Variants in TFB1M observed in about 807,000 individuals in gnomAD.
The protein encoded by TFB1M is transcription factor B1, mitochondrial.
TFB1M carries 27 observed loss-of-function variants against 31.1 expected under a neutral mutation model. That is an observed-to-expected ratio of 0.87 (90% CI 0.64 to 1.20). The LOEUF is 1.20. Among genes scored for constraint, TFB1M ranks in the 50% most tolerant of loss-of-function variants. TFB1M has a pLI of 0.00. For synonymous variants in TFB1M, 166 were observed against 151.8 expected, an observed-to-expected ratio of 1.09 and a Z score of -0.69; for missense variants, 394 against 418.7, an observed-to-expected ratio of 0.94 and a Z score of 0.51.
At chr6:155,283,349 C>T (rs942867919) in intron 5 of TFB1M, among the ~76,000 whole-genome samples, 2 of 152,026 alleles carry the variant, frequency 1.3e-5, no homozygotes, top group Admixed American at 6.6e-5. Flanking sequence ...CAAATAAATC[C>T]CCTGTATGTA....
downstream of TFB1M, chr6:155,251,901 G>A (rs372966542): frequency 1.1e-4 from 170 of 1,497,056 alleles, no homozygotes; most frequent in Middle Eastern, 4.1e-4. Context: ...CCTTGGAAGA[G>A]TTTGCATAAA....
intron 4 of TFB1M, among the ~76,000 whole-genome samples, chr6:155,291,922 G>A (rs1288269873): frequency 1.3e-5 from 2 of 152,230 alleles, no homozygotes; most frequent in Non-Finnish European, 2.9e-5. Context: ...TTAAGCTTAT[G>A]TAGTAGTAGA....
downstream of TFB1M, chr6:155,254,655 G>A: frequency 6.6e-7 from 1 of 1,525,184 alleles, no homozygotes; most frequent in Non-Finnish European, 8.9e-7. Context: ...TAACATAGCT[G>A]TGACTTTTCA....
rs534184919 is a variant in TFB1M, at chr6:155,297,231, A to G, written c.395-127T>C. 10 of 1,034,572 alleles carry G rather than the reference A, an allele frequency of 9.7e-6. No homozygotes were observed. In the African/African-American group the frequency reaches 1.5e-4, roughly 15 times the overall value. The allele number at this position is 1,034,572 out of a possible 1,614,324, so 64.1% of individuals were successfully genotyped here. On this transcript the variant is annotated intron_variant, in intron 3 of 6. Transcript: ENST00000367166. Reference sequence around the variant, plus strand: ...GAAAAATATATAAATAGACATGGCTAAATTTTTTTTTTCACTTATTATTCA... The same window carrying G: ...GAAAAATATATAAATAGACATGGCTGAATTTTTTTTTTCACTTATTATTCA...
intron 4 of TFB1M, among the ~76,000 whole-genome samples, chr6:155,294,220 T>C (rs902483567): frequency 7.9e-5 from 12 of 152,168 alleles, no homozygotes; most frequent in Non-Finnish European, 1.3e-4. Context: ...ACTATAGATA[T>C]AAATGTGAAA....
chr6:155,247,293 T>C, the TFB1M span, among the ~76,000 whole-genome samples: 13 of 152,182 alleles, frequency 8.5e-5, no homozygotes, highest in African/African-American at 2.9e-4. Context: ...TTTGTGGGTA[T>C]GGTGTAGGGT....
chr6:155,248,413 T>TA, the TFB1M span, among the ~76,000 whole-genome samples: 10 of 152,228 alleles, frequency 6.6e-5, no homozygotes, highest in African/African-American at 2.4e-4. Flanking sequence ...CTCATCCGGG[T>TA]AGCGCCATAC....
In TFB1M at chr6:155,297,085, A is replaced by G. The variant is rs144349571; in HGVS notation, c.414T>C (p.Ile138=). The G allele has an allele frequency of 1.6e-4, 258 of 1,613,766 alleles. 2 individuals are homozygous for G. The East Asian group carries it at 5.2e-3, about 33-fold the overall frequency. The change falls in exon 4 of 7, where the codon ATT becomes ATC. Residue 138 remains isoleucine (I), a synonymous_variant. Coordinates refer to ENST00000367166, the MANE Select transcript of TFB1M (RefSeq NM_016020.4). Reference sequence around the variant, plus strand: ...AAACACTAAAAGGCAGATTTCCAATAATATGTACATTTGGAGGATCTGGTG... The same window carrying G: ...AAACACTAAAAGGCAGATTTCCAATGATATGTACATTTGGAGGATCTGGTG... ...PWEDDPPNVH[I]IGNLPFSVST... is the part of the protein sequence containing the mutation.
chr6:155,294,210 A>C (rs1432001244), intron 4 of TFB1M, among the ~76,000 whole-genome samples: 2 of 152,198 alleles, frequency 1.3e-5, no homozygotes, highest in African/African-American at 4.8e-5. Flanking sequence ...ACCCGAGTGG[A>C]CTATAGATAT....
the TFB1M span, chr6:155,250,773 C>A: frequency 4.5e-6 from 5 of 1,111,494 alleles, no homozygotes; most frequent in East Asian, 2.5e-5. Context: ...CCGTTTAAGG[C>A]CCCATGTTTA....
chr6:155,246,758 T>G, the TFB1M span, among the ~76,000 whole-genome samples: 1 of 152,218 alleles, frequency 6.6e-6, no homozygotes, highest in South Asian at 2.1e-4. Context: ...CATTCCTCCT[T>G]TGTCATAAAG....
intron 2 of TFB1M, among the ~76,000 whole-genome samples, chr6:155,306,392 G>T (rs937892089): frequency 2.6e-5 from 4 of 152,188 alleles, no homozygotes; most frequent in Non-Finnish European, 5.9e-5. Context: ...AGAAATGGAA[G>T]TGTGTATCCA....
chr6:155,314,466 G>C lies in TFB1M; in HGVS notation c.-38C>G, dbSNP rs1006895357. The C allele has an allele frequency of 3.1e-6, 5 of 1,612,882 alleles. No homozygotes were observed. In the African/African-American group the frequency reaches 4.0e-5, roughly 13 times the overall value. On this transcript the variant is annotated 5_prime_UTR_variant, in exon 1 of 7. Transcript: ENST00000367166. Reference sequence around the variant, plus strand: ...GCACCATCCAACCCTACCTCACCCAGGACCTTCACCGCCGCTCCGAAAGAA... The same window carrying C: ...GCACCATCCAACCCTACCTCACCCACGACCTTCACCGCCGCTCCGAAAGAA...
downstream of TFB1M, chr6:155,254,484 G>A (rs748166636): frequency 1.4e-5 from 22 of 1,613,996 alleles, no homozygotes; most frequent in African/African-American, 2.7e-5. Context: ...AACTTCAGGC[G>A]TCACATAAAG....
intron 4 of TFB1M, among the ~76,000 whole-genome samples, chr6:155,289,963 T>C (rs1303823086): frequency 6.6e-6 from 1 of 152,218 alleles, no homozygotes; most frequent in Non-Finnish European, 1.5e-5. Flanking sequence ...CCTTCTGCCA[T>C]GATTATAAGT....
intron 2 of TFB1M, among the ~76,000 whole-genome samples, chr6:155,299,311 G>A (rs1368959766): frequency 5.3e-5 from 8 of 152,032 alleles, no homozygotes; most frequent in Non-Finnish European, 8.8e-5. Flanking sequence ...TTCCCTTGTA[G>A]TCTTTTTCTT....
At chr6:155,310,923 C>A (rs947128503) in intron 2 of TFB1M, 2 of 428,216 alleles carry the variant, frequency 4.7e-6, no homozygotes, top group Non-Finnish European at 4.2e-6. Flanking sequence ...AAAAATCACA[C>A]AAAACAATTA....
chr6:155,256,964 T>G lies in TFB1M; in HGVS notation c.*872A>C. On this transcript the variant is annotated 3_prime_UTR_variant, in exon 7 of 7. Coordinates refer to ENST00000367166, the MANE Select transcript of TFB1M (RefSeq NM_016020.4). ...ACCAAGAGGGACAGAGGAACTTTGC[T>G]CAAGGCGCAGATCCGTCACCAGTCC... The G allele has an allele frequency of 6.2e-7, 1 of 1,614,120 alleles. No homozygotes were observed. The highest frequency in any genetic ancestry group is 8.5e-7 in the Non-Finnish European group (1 of 1,180,020).
At chr6:155,289,685 T>C (rs117693881) in intron 4 of TFB1M, among the ~76,000 whole-genome samples, 3,312 of 152,286 alleles carry the variant, frequency 0.022, 65 homozygotes, top group Middle Eastern at 0.048. Flanking sequence ...AAATTACATA[T>C]ACAGCCATGT....
Sources: gnomAD v4.1 joint callset for allele counts (sites outside exome capture counted in the v4.1 genomes callset) on GRCh38, gnomAD v4.1.1 for gene constraint, MANE v1.5 for transcripts, NCBI Gene and HGNC (gene_info 2026-07-23, HGNC 2026-07-21) for gene names.